Variants in STON2 observed in about 807,000 individuals in gnomAD.
STON2 encodes the protein stonin-2.
A neutral mutation model predicts 65.7 loss-of-function variants in STON2; 29 were observed. That is an observed-to-expected ratio of 0.44 (90% confidence interval 0.33 to 0.60). STON2 has a LOEUF of 0.60. STON2 is among the 20% of genes least tolerant of loss of function. The pLI, the probability that STON2 is intolerant of heterozygous loss-of-function variation, is 0.03. For missense variants in STON2, 1,054 were observed against 1,118.1 expected, an observed-to-expected ratio of 0.94 and a Z score of 0.82; for synonymous variants, 404 against 414.2, an observed-to-expected ratio of 0.98 and a Z score of 0.30.
chr14:81,341,625 C>T (rs1237104567), intron 4 of STON2, among the ~76,000 whole-genome samples: 2 of 151,860 alleles, frequency 1.3e-5, no homozygotes, highest in Non-Finnish European at 2.9e-5. Context: ...AGCAAGTGGG[C>T]GTGTATGGGG....
At chr14:81,293,261 C>T (rs1482826857) in intron 5 of STON2, among the ~76,000 whole-genome samples, 2 of 151,286 alleles carry the variant, frequency 1.3e-5, no homozygotes, top group East Asian at 1.9e-4. Context: ...GCAACCTCTG[C>T]CTCCTGGGTT....
chr14:81,377,799 C>T (rs1406625310), intron 3 of STON2, among the ~76,000 whole-genome samples: 6 of 151,666 alleles, frequency 4.0e-5, no homozygotes, highest in African/African-American at 4.8e-5. Flanking sequence ...CTTACTATCT[C>T]GATACATTCT....
chr14:81,405,963 T>G (rs1419426740), intron 2 of STON2, among the ~76,000 whole-genome samples: 1 of 152,168 alleles, frequency 6.6e-6, no homozygotes, highest in Non-Finnish European at 1.5e-5. Flanking sequence ...CAGAAGAAAG[T>G]GGAATGACCA....
chr14:81,426,315 T>C (rs1238885758), intron 2 of STON2, among the ~76,000 whole-genome samples: 1 of 152,222 alleles, frequency 6.6e-6, no homozygotes, highest in African/African-American at 2.4e-5. Flanking sequence ...CATTTTACAC[T>C]GGCAAAGTGA....
At chr14:81,331,996 C>T (rs61978922) in intron 4 of STON2, among the ~76,000 whole-genome samples, 1,549 of 152,280 alleles carry the variant, frequency 0.01, 19 homozygotes, top group Non-Finnish European at 0.016. Context: ...AGCCAGAAGT[C>T]GGCAATAAAA....
In STON2 at chr14:81,262,046, G is replaced by A; in HGVS notation, c.*6368C>T. ...AAATTTCTTGGTTCTTATAAACATA[G>A]GAAGAGTCACTGAAAGGTGGCACCA... On this transcript the variant is annotated 3_prime_UTR_variant, in exon 8 of 8. Transcript: ENST00000614646. 7.6e-7 allele frequency: 1 copy of A among 1,323,758 alleles called. No individual in the cohort carries two copies. Among genetic ancestry groups the A allele is most frequent in the Non-Finnish European group, 9.6e-7 (1 of 1,040,960 alleles). The allele number at this position is 1,323,758 out of a possible 1,614,324, so 82.0% of individuals were successfully genotyped here. A position where few individuals can be genotyped will look rare whatever the true frequency, so the allele number is the denominator to read the frequency against.
chr14:81,432,578 G>C (rs1426551564), intron 1 of STON2, among the ~76,000 whole-genome samples: 1 of 152,218 alleles, frequency 6.6e-6, no homozygotes, highest in Non-Finnish European at 1.5e-5. Context: ...TGATGGATCA[G>C]GATTGGAATA....
rs150168664 is a variant in STON2, at chr14:81,406,010, T to A, written c.-198-7430A>T. The stretch of plus-strand genomic sequence containing the variant: ...TCTTCTGGCCTTCATCTTTCTCCCA[T>A]GCTGGATGCTTCCTGCCCTCAAACA... On this transcript the variant is annotated intron_variant, in intron 2 of 8. Coordinates refer to the STON2 transcript ENST00000553821. Among the ~76,000 whole-genome samples, 787 of 152,304 alleles carry A rather than the reference T, an allele frequency of 5.2e-3. 6 individuals carry two copies. Among genetic ancestry groups the A allele is most frequent in the African/African-American group, 0.018 (741 of 41,564 alleles).
In STON2 at chr14:81,408,002, C is replaced by A. The variant is rs182481071; in HGVS notation, c.-198-9422G>T. On this transcript the variant is annotated intron_variant, in intron 2 of 8. Transcript: ENST00000553821. ...GAACAAAGAGAAGACTGGAAGGCCC[C>A]ATTACCCTGTGAGGAAGACTAAATT... Among the ~76,000 whole-genome samples the A allele has an allele frequency of 3.3e-5, 5 of 152,234 alleles. No homozygotes were observed. In the East Asian group the frequency reaches 9.7e-4, roughly 29 times the overall value.
chr14:81,397,622 G>A (rs1481925577), intron 2 of STON2, among the ~76,000 whole-genome samples: 1 of 152,176 alleles, frequency 6.6e-6, no homozygotes, highest in African/African-American at 2.4e-5. Context: ...ACTGGTAGCT[G>A]TAGTAGAACA....
At position 81,277,933 on chromosome 14, in the gene STON2, G is replaced by T; in HGVS notation, c.1549C>A (p.Gln517Lys). 6.2e-7 allele frequency: 1 copy of T among 1,614,200 alleles called. No homozygotes were observed. The highest frequency in any genetic ancestry group is 8.5e-7 in the Non-Finnish European group (1 of 1,180,052). Residue 517 changes from glutamine (Q) to lysine (K), a missense_variant, in exon 6 of 8, where the codon CAG becomes AAG. Coordinates refer to ENST00000614646, the MANE Select transcript of STON2 (RefSeq NM_001394390.1). ...FVKLTDTGYLQLYYEQGLEKP... is the reference protein window; with the variant it reads ...FVKLTDTGYLKLYYEQGLEKP... ...TCTAGGCCCTGCTCATAATACAGCT[G>T]CAGGTAACCAGTGTCTGTCAGTTTG...
chr14:81,331,270 C>G (rs1897203100), intron 4 of STON2, among the ~76,000 whole-genome samples: 1 of 152,244 alleles, frequency 6.6e-6, no homozygotes, highest in Non-Finnish European at 1.5e-5. Context: ...AAGAAAGAGA[C>G]TTTAGCCCCA....
At chr14:81,340,031 G>T (rs1450647223) in intron 4 of STON2, among the ~76,000 whole-genome samples, 1 of 152,196 alleles carries the variant, frequency 6.6e-6, no homozygotes. Context: ...GCGGGCGCCT[G>T]TAGTCCTAGC....
chr14:81,278,655 T>C lies in STON2; in HGVS notation c.827A>G (p.His276Arg). The C allele has an allele frequency of 6.4e-7, 1 of 1,556,230 alleles. No homozygotes were observed. The change falls in exon 6 of 8, where the codon CAC (histidine) becomes CGC (arginine). Residue 276 changes from histidine to arginine, a missense_variant. His to Arg is a conservative substitution (Grantham distance 29, BLOSUM62 0). Transcript: ENST00000614646. ...AGCAGAGGTCACTGGAGGGGCAGGG[T>C]GCCCATTCATGGCTGGACTGCTGGC... ...WQASSPAMNG[H>R]PAPPVTSARF...
chr14:81,278,761 A>G (rs977939844), intron 5 of STON2, 22 bp from the exon 6 acceptor site: 3 of 1,503,868 alleles, frequency 2.0e-6, no homozygotes, highest in Non-Finnish European at 2.7e-6. Flanking sequence ...AGGAGAACAT[A>G]TGAGCTACTG....
At chr14:81,318,010 G>A (rs990835575) in intron 5 of STON2, among the ~76,000 whole-genome samples, 2 of 152,070 alleles carry the variant, frequency 1.3e-5, no homozygotes, top group African/African-American at 4.8e-5. Context: ...CTGTTGCCCA[G>A]GCTGGAGTGT....
intron 5 of STON2, among the ~76,000 whole-genome samples, chr14:81,282,372 T>C (rs1332918311): frequency 6.6e-6 from 1 of 152,184 alleles, no homozygotes; most frequent in Non-Finnish European, 1.5e-5. Context: ...TACCTACGGC[T>C]TTTTAGATAT....
At chr14:81,392,164 G>A (rs1423596942) in intron 3 of STON2, among the ~76,000 whole-genome samples, 1 of 152,130 alleles carries the variant, frequency 6.6e-6, no homozygotes, top group Non-Finnish European at 1.5e-5. Flanking sequence ...CTCACAGGTT[G>A]ACTATCTCTG....
chr14:81,388,058 T>A (rs972522357), intron 3 of STON2, among the ~76,000 whole-genome samples: 2 of 146,596 alleles, frequency 1.4e-5, no homozygotes, highest in Non-Finnish European at 3.0e-5. Context: ...CAAGCGATTC[T>A]CCTGCCTCAG....
Sources: gnomAD v4.1 joint callset for allele counts (sites outside exome capture counted in the v4.1 genomes callset) on GRCh38, gnomAD v4.1.1 for gene constraint, MANE v1.5 for transcripts, NCBI Gene and HGNC (gene_info 2026-07-23, HGNC 2026-07-21) for gene names.